Variants in PARP4 observed in about 807,000 individuals in gnomAD.
The protein encoded by PARP4 is protein mono-ADP-ribosyltransferase PARP4.
In PARP4, 120 loss-of-function variants were observed where a neutral mutation model predicts 187.7. The observed-to-expected ratio is 0.64, with a 90% CI of 0.55 to 0.74. The LOEUF (loss-of-function observed/expected upper bound fraction) is 0.74, where lower values mean the gene tolerates loss of function less well. Among genes scored for constraint, PARP4 ranks in the 30% least tolerant of loss-of-function variants. The pLI, the probability that PARP4 is intolerant of heterozygous loss-of-function variation, is 0.00. For synonymous variants in PARP4, 654 were observed against 740.9 expected (o/e 0.88, Z 1.90); for missense variants, 1,836 against 2,070.5 (o/e 0.89, Z 2.20).
At chr13:24,495,725 C>A (rs1170319484) in intron 6 of PARP4, among the ~76,000 whole-genome samples, 2 of 152,204 alleles carry the variant, frequency 1.3e-5, no homozygotes, top group African/African-American at 4.8e-5. Flanking sequence ...CTCAGGATAC[C>A]CATAAGCCGC....
intron 30 of PARP4, among the ~76,000 whole-genome samples, chr13:24,437,840 A>T (rs1296128993): frequency 6.6e-6 from 1 of 150,864 alleles, no homozygotes; most frequent in Non-Finnish European, 1.5e-5. Flanking sequence ...ACAGAGTGAG[A>T]CTCCATCTCA....
intron 30 of PARP4, among the ~76,000 whole-genome samples, chr13:24,440,114 G>A (rs6490929): frequency 0.4 from 60,410 of 152,086 alleles, 12,257 homozygotes; most frequent in African/African-American, 0.46. Flanking sequence ...AGGGTGCACT[G>A]TAAGAAAGCA....
Position 24,434,817 on chromosome 13 carries a change from G to C in PARP4, c.4324C>G (p.Pro1442Ala). The change falls in exon 31 of 34, where the codon CCT (proline) becomes GCT (alanine). Residue 1442 changes from proline (P) to alanine (A), a missense_variant. Pro to Ala is a conservative substitution (Grantham distance 27). This residue lies in a region of PARP4 where 450 missense variants were observed against 439.2 expected (regional missense o/e 1.02). Transcript: ENST00000381989. ...LDSPQLHFSL[P>A]TDPDPIRGFG... is the part of the protein sequence containing the mutation. ...CCTCTGATGGGATCAGGGTCTGTAG[G>C]AAGAGAGAAATGAAGCTGGGGAGAA... 6.2e-7 allele frequency: 1 copy of C among 1,613,366 alleles called. No homozygotes were observed. Among genetic ancestry groups the C allele is most frequent in the African/African-American group, 1.3e-5 (1 of 75,034 alleles).
At chr13:24,422,920 C>G (rs1869823923) in intron 33 of PARP4, among the ~76,000 whole-genome samples, 1 of 152,012 alleles carries the variant, frequency 6.6e-6, no homozygotes, top group African/African-American at 2.4e-5. Context: ...AATTGTTTGT[C>G]TTATGTACTC....
At chr13:24,431,027 G>A (rs1003420928) in intron 32 of PARP4, among the ~76,000 whole-genome samples, 11 of 152,146 alleles carry the variant, frequency 7.2e-5, no homozygotes, top group African/African-American at 2.2e-4. Context: ...AAGGAGTCAA[G>A]GTCTCTAAAT....
chr13:24,444,918 T>C lies in PARP4; in HGVS notation c.3367-1188A>G, dbSNP rs532586234. Reference sequence around the variant, plus strand: ...CTCCCAGGAAGAGGAGGCTAAAGTCTGATACTTTAAAGGGATGATAGAGAA... The same window carrying C: ...CTCCCAGGAAGAGGAGGCTAAAGTCCGATACTTTAAAGGGATGATAGAGAA... On this transcript the variant is annotated intron_variant, in intron 27 of 33. Transcript: ENST00000381989. Among the ~76,000 whole-genome samples the C allele has an allele frequency of 6.4e-4, 98 of 152,350 alleles. 2 individuals carry two copies. The South Asian group carries it at 0.02, about 31-fold the overall frequency.
intron 8 of PARP4, among the ~76,000 whole-genome samples, chr13:24,492,845 ATG>A (rs1475684102): frequency 6.6e-6 from 1 of 152,246 alleles, no homozygotes; most frequent in Non-Finnish European, 1.5e-5. Flanking sequence ...TTCTATACAT[ATG>A]TGGACACATC....
chr13:24,475,235 T>C (rs547311577), intron 15 of PARP4, among the ~76,000 whole-genome samples: 1 of 152,316 alleles, frequency 6.6e-6, no homozygotes, highest in Admixed American at 6.5e-5. Context: ...TTCATCATGA[T>C]TATTGCCTAC....
intron 32 of PARP4, among the ~76,000 whole-genome samples, chr13:24,427,572 T>A (rs2137432182): frequency 6.6e-6 from 1 of 152,246 alleles, no homozygotes; most frequent in African/African-American, 2.4e-5. Flanking sequence ...AAAACCCAAA[T>A]CTTTGTCTTA....
intron 32 of PARP4, among the ~76,000 whole-genome samples, chr13:24,430,607 T>C (rs1016222846): frequency 6.6e-6 from 1 of 151,826 alleles, no homozygotes; most frequent in Non-Finnish European, 1.5e-5. Flanking sequence ...TCAGCCGAGA[T>C]AGTACCACTG....
chr13:24,492,985 A>G (rs1227230093), intron 8 of PARP4, among the ~76,000 whole-genome samples: 1 of 152,206 alleles, frequency 6.6e-6, no homozygotes, highest in African/African-American at 2.4e-5. Flanking sequence ...TTCTAATTAC[A>G]CAAGTACTTC....
intron 31 of PARP4, among the ~76,000 whole-genome samples, chr13:24,433,505 G>A (rs1026290892): frequency 6.6e-6 from 1 of 152,154 alleles, no homozygotes; most frequent in African/African-American, 2.4e-5. Flanking sequence ...GCACAGAAAG[G>A]TAAAGCAATT....
At position 24,444,365 on chromosome 13, in the gene PARP4, C is replaced by T. The variant is rs1475768673; in HGVS notation, c.3367-635G>A. ...AAAATATACTTTTAATTTATTCTCC[C>T]TTATCAGTACCCACAAAGATCTAAT... On this transcript the variant is annotated intron_variant, in intron 27 of 33. Transcript: ENST00000381989. Among the ~76,000 whole-genome samples the T allele has an allele frequency of 3.9e-5, 6 of 152,424 alleles. No individual in the cohort carries two copies. In the East Asian group the frequency reaches 5.8e-4, roughly 15 times the overall value.
chr13:24,452,678 T>C (rs1442793619), intron 23 of PARP4, 85 bp from the exon 24 acceptor site: 11 of 1,041,238 alleles, frequency 1.1e-5, no homozygotes, highest in Non-Finnish European at 1.6e-5. Flanking sequence ...CTAAGGACAG[T>C]GTAGGGATAT....
At chr13:24,507,381 G>T (rs1261536709) in intron 1 of PARP4, among the ~76,000 whole-genome samples, 1 of 152,166 alleles carries the variant, frequency 6.6e-6, no homozygotes, top group African/African-American at 2.4e-5. Flanking sequence ...CATTCCCTGG[G>T]CTCTCAATTG....
chr13:24,484,777 A>G (rs754377788), intron 11 of PARP4, 29 bp from the exon 12 acceptor site: 7 of 1,362,348 alleles, frequency 5.1e-6, no homozygotes, highest in Non-Finnish European at 7.4e-6. Flanking sequence ...GATAAGGTGT[A>G]AGCCCAACAC....
chr13:24,442,229 G>A (rs1269128117), intron 29 of PARP4, among the ~76,000 whole-genome samples: 1 of 150,240 alleles, frequency 6.7e-6, no homozygotes, highest in Non-Finnish European at 1.5e-5. Flanking sequence ...GGGCTCTCAG[G>A]GAACCCAGGC....
At chr13:24,508,118 A>G (rs1309899540) in intron 1 of PARP4, among the ~76,000 whole-genome samples, 1 of 152,204 alleles carries the variant, frequency 6.6e-6, no homozygotes, top group Non-Finnish European at 1.5e-5. Context: ...ACCATAAAAG[A>G]GATTACACCA....
intron 10 of PARP4, among the ~76,000 whole-genome samples, chr13:24,489,549 C>T (rs998277703): frequency 6.6e-6 from 1 of 152,142 alleles, no homozygotes; most frequent in Non-Finnish European, 1.5e-5. Flanking sequence ...GCAGAGCTTG[C>T]AGTGAGCCGA....
Sources: allele counts gnomAD v4.1 joint callset (sites outside exome capture counted in the v4.1 genomes callset), GRCh38; gene constraint gnomAD v4.1.1; regional missense constraint gnomAD v4.1.1; transcripts MANE v1.5; gene names NCBI Gene and HGNC (gene_info 2026-07-23, HGNC 2026-07-21).